Variants in HYDIN observed in about 807,000 individuals in gnomAD.
HYDIN encodes the protein axonemal central pair apparatus protein HYDIN.
Under a neutral mutation model 403.9 loss-of-function variants are expected in HYDIN, and 132 were observed. The ratio of observed to expected loss-of-function variants is 0.33; its 90% CI spans 0.28 to 0.38. The LOEUF is 0.38. Ranked by LOEUF, HYDIN falls within the 10% of genes least tolerant of loss-of-function variation. The pLI, the probability that HYDIN is intolerant of heterozygous loss-of-function variation, is 1.00. For missense variants in HYDIN, 2,827 were observed against 5,009.5 expected, an observed-to-expected ratio of 0.56 and a Z score of 13.15; for synonymous variants, 1,202 against 1,891.7, an observed-to-expected ratio of 0.64 and a Z score of 9.46.
At chr16:71,009,707 A>G (rs1331767826) in intron 23 of HYDIN, among the ~76,000 whole-genome samples, 8 of 143,052 alleles carry the variant, frequency 5.6e-5, no homozygotes, top group African/African-American at 2.2e-4. Flanking sequence ...GTGCCCTTAT[A>G]TGAGGGAGGC....
intron 18 of HYDIN, among the ~76,000 whole-genome samples, chr16:71,035,504 C>T (rs1330868365): frequency 2.3e-5 from 3 of 132,818 alleles, no homozygotes; most frequent in African/African-American, 8.2e-5. Flanking sequence ...GAATCTTTGA[C>T]TTTTATCATT....
chr16:71,214,961 G>A (rs1402717443), intron 1 of HYDIN, among the ~76,000 whole-genome samples: 1 of 152,190 alleles, frequency 6.6e-6, no homozygotes, highest in Non-Finnish European at 1.5e-5. Context: ...ATAATGGAGA[G>A]ATCTGCTCTA....
chr16:71,211,448 G>C (rs563059237), intron 1 of HYDIN, among the ~76,000 whole-genome samples: 1 of 151,488 alleles, frequency 6.6e-6, no homozygotes, highest in Non-Finnish European at 1.5e-5. Context: ...AGACCATCCT[G>C]GCTAACAAGG....
chr16:71,015,206 CTGAT>C (rs372494841), intron 23 of HYDIN, among the ~76,000 whole-genome samples: 20 of 151,572 alleles, frequency 1.3e-4, no homozygotes, highest in South Asian at 4.2e-4. Context: ...GACTGACTCT[CTGAT>C]TGAGTAAATG....
chr16:71,028,512 A>C (rs5817733), intron 19 of HYDIN, among the ~76,000 whole-genome samples: 55,354 of 150,856 alleles, frequency 0.37, 8,435 homozygotes, highest in Non-Finnish European at 0.44. Flanking sequence ...TAAAAAAAAA[A>C]CTGGGATTTC....
chr16:71,063,689 T>C (rs2082162875), intron 16 of HYDIN, among the ~76,000 whole-genome samples: 1 of 152,184 alleles, frequency 6.6e-6, no homozygotes, highest in African/African-American at 2.4e-5. Context: ...AACCATTCTA[T>C]TTCTCTCTTA....
At position 71,012,886 on chromosome 16, in the gene HYDIN, T is replaced by C. The variant is rs567454526; in HGVS notation, c.3644+5243A>G. ...TTTTGTCTATTCTAGGTGACATTTA[T>C]GCCTGGAACCTTTCTCTTTGGCGGG... On this transcript the variant is annotated intron_variant, in intron 23 of 85. Transcript: ENST00000393567. Among the ~76,000 whole-genome samples the C allele has an allele frequency of 7.4e-5, 11 of 148,788 alleles. No homozygotes were observed. In the East Asian group the frequency reaches 1.8e-3, roughly 24 times the overall value.
chr16:71,021,168 G>T (rs2080476304), intron 21 of HYDIN, among the ~76,000 whole-genome samples: 1 of 150,474 alleles, frequency 6.6e-6, no homozygotes, highest in South Asian at 2.1e-4. Flanking sequence ...TACCAGGATA[G>T]TTGATTTAGA....
At chr16:71,124,098 C>T (rs1427535427) in intron 9 of HYDIN, among the ~76,000 whole-genome samples, 12 of 151,054 alleles carry the variant, frequency 7.9e-5, no homozygotes, top group Admixed American at 2.6e-4. Flanking sequence ...TACCAGCCTC[C>T]GTCTGTTCGA....
chr16:71,219,845 T>C (rs1402171724), intron 1 of HYDIN, among the ~76,000 whole-genome samples: 1 of 152,206 alleles, frequency 6.6e-6, no homozygotes, highest in Non-Finnish European at 1.5e-5. Flanking sequence ...AGCAGCCAAA[T>C]GCTAAGTGCT....
intron 7 of HYDIN, among the ~76,000 whole-genome samples, chr16:71,141,648 AG>A (rs1342300663): frequency 6.6e-6 from 1 of 152,166 alleles, no homozygotes; most frequent in African/African-American, 2.4e-5. Context: ...AAAATCAAAC[AG>A]TTTTATAATA....
At chr16:71,069,097 A>G (rs202069765) in intron 14 of HYDIN, among the ~76,000 whole-genome samples, 170 bp downstream of exon 14, 1 of 151,398 alleles carries the variant, frequency 6.6e-6, no homozygotes, top group East Asian at 1.9e-4. Context: ...GCTTTGCCCA[A>G]TGTATTTGTG....
chr16:71,197,901 C>T (rs1217552288), intron 1 of HYDIN, among the ~76,000 whole-genome samples: 1 of 152,310 alleles, frequency 6.6e-6, no homozygotes, highest in African/African-American at 2.4e-5. Context: ...GCATCTGCCA[C>T]CATACCTAGC....
At chr16:71,227,264 T>TTA (rs1295214673) in intron 1 of HYDIN, among the ~76,000 whole-genome samples, 1 of 152,024 alleles carries the variant, frequency 6.6e-6, no homozygotes, top group East Asian at 1.9e-4. Flanking sequence ...AGTAAGCATG[T>TTA]TATTCAACAT....
intron 1 of HYDIN, among the ~76,000 whole-genome samples, chr16:71,212,523 T>C (rs2088650266): frequency 6.6e-6 from 1 of 152,132 alleles, no homozygotes; most frequent in Admixed American, 6.5e-5. Flanking sequence ...AGGATTCAAA[T>C]ATAACATCCA....
intron 9 of HYDIN, among the ~76,000 whole-genome samples, chr16:71,116,229 CCT>C (rs1491263046): frequency 1.7e-5 from 2 of 117,488 alleles, no homozygotes; most frequent in Non-Finnish European, 3.6e-5. Context: ...ATGAGTTAGA[CCT>C]TTTTTTTTTT....
chr16:70,806,073 T>C lies in HYDIN; in HGVS notation c.*1507A>G, dbSNP rs2035092209. Among the ~76,000 whole-genome samples, 1 of 152,194 alleles carries C rather than the reference T, an allele frequency of 6.6e-6. No individual in the cohort carries two copies. Among genetic ancestry groups the C allele is most frequent in the African/African-American group, 2.4e-5 (1 of 41,442 alleles). On this transcript the variant is annotated 3_prime_UTR_variant, in exon 86 of 86. Coordinates refer to ENST00000393567, the MANE Select transcript of HYDIN (RefSeq NM_001270974.2). ...AACTGTCATGGGATCGCAATGCTTGTGTTCAAGGAAACCTTATTTAGTTTA... is the reference window on the plus strand; with the variant it reads ...AACTGTCATGGGATCGCAATGCTTGCGTTCAAGGAAACCTTATTTAGTTTA...
At chr16:71,190,661 A>G (rs2087390234) in intron 1 of HYDIN, among the ~76,000 whole-genome samples, 1 of 152,202 alleles carries the variant, frequency 6.6e-6, no homozygotes, top group Non-Finnish European at 1.5e-5. Context: ...ATAATTAGGT[A>G]AGATGTTGCT....
intron 10 of HYDIN, among the ~76,000 whole-genome samples, chr16:71,104,411 TA>T (rs1402285462): frequency 1.9e-5 from 2 of 107,932 alleles, no homozygotes; most frequent in Non-Finnish European, 3.7e-5. Context: ...AGGTTCAAAA[TA>T]AAGGAAAGAA....
Sources: allele counts gnomAD v4.1 joint callset (sites outside exome capture counted in the v4.1 genomes callset), GRCh38; gene constraint gnomAD v4.1.1; transcripts MANE v1.5; gene names NCBI Gene and HGNC (gene_info 2026-07-23, HGNC 2026-07-21).